Variants in PRKG1 observed in about 807,000 individuals in gnomAD.
The protein encoded by PRKG1 is cGMP-dependent protein kinase 1.
In PRKG1, 35 loss-of-function variants were observed where a neutral mutation model predicts 88.1. The observed-to-expected ratio is 0.40, with a 90% CI of 0.30 to 0.53. PRKG1 has a LOEUF of 0.53. Ranked by LOEUF, PRKG1 falls within the 20% of genes least tolerant of loss-of-function variation. The pLI, the probability that PRKG1 is intolerant of heterozygous loss-of-function variation, is 0.59. For missense variants in PRKG1, 540 were observed against 839.8 expected (o/e 0.64, Z 4.41); for synonymous variants, 303 against 292.5 (o/e 1.04, Z -0.37).
chr10:51,005,044 A>T (rs548101042), intron 1 of PRKG1, among the ~76,000 whole-genome samples: 44 of 152,184 alleles, frequency 2.9e-4, no homozygotes, highest in African/African-American at 8.9e-4. Flanking sequence ...CTCGGTAGAG[A>T]TTTCATTTCA....
At chr10:51,712,145 A>G (rs1359168418) in intron 3 of PRKG1, among the ~76,000 whole-genome samples, 2 of 152,254 alleles carry the variant, frequency 1.3e-5, no homozygotes, top group African/African-American at 4.8e-5. Context: ...ATGGAGAAAT[A>G]TGAAAGGAGG....
chr10:52,247,038 A>G (rs1213927554), intron 9 of PRKG1, among the ~76,000 whole-genome samples: 1 of 152,084 alleles, frequency 6.6e-6, no homozygotes, highest in Non-Finnish European at 1.5e-5. Context: ...ATCTTGTTGT[A>G]TATTTGTATT....
At chr10:51,754,641 G>A (rs547552825) in intron 3 of PRKG1, among the ~76,000 whole-genome samples, 2 of 152,234 alleles carry the variant, frequency 1.3e-5, no homozygotes, top group Admixed American at 6.5e-5. Context: ...TGAGCTATTG[G>A]ACCTCTACCC....
chr10:52,261,133 T>C (rs12264012), intron 10 of PRKG1, among the ~76,000 whole-genome samples: 2,384 of 151,188 alleles, frequency 0.016, 72 homozygotes, highest in African/African-American at 0.055. Context: ...CTCTAAAAAA[T>C]AGAAAAAAAA....
chr10:51,881,207 A>G (rs1892371), intron 4 of PRKG1, among the ~76,000 whole-genome samples: 152,072 of 152,296 alleles, frequency 1, 75,924 homozygotes, highest in Middle Eastern at 1. Context: ...TAGAGACATC[A>G]ACGGGAAGAT....
At chr10:51,408,818 A>T (rs902085382) in intron 2 of PRKG1, among the ~76,000 whole-genome samples, 1 of 152,192 alleles carries the variant, frequency 6.6e-6, no homozygotes. Context: ...AGAATGGTTC[A>T]TCTTATCCAC....
At chr10:51,855,104 G>A (rs1417448508) in intron 4 of PRKG1, among the ~76,000 whole-genome samples, 1 of 152,120 alleles carries the variant, frequency 6.6e-6, no homozygotes, top group East Asian at 1.9e-4. Flanking sequence ...TGTCGTAAAA[G>A]GTTATTATTC....
chr10:52,229,693 T>C (rs1840477660), intron 9 of PRKG1, among the ~76,000 whole-genome samples: 1 of 152,188 alleles, frequency 6.6e-6, no homozygotes, highest in Admixed American at 6.5e-5. Flanking sequence ...TAGAGCATAT[T>C]GATGTATCAT....
chr10:52,167,407 C>A (rs1384153781), intron 9 of PRKG1, among the ~76,000 whole-genome samples: 5 of 152,144 alleles, frequency 3.3e-5, no homozygotes, highest in Non-Finnish European at 7.4e-5. Context: ...CTATGGATTA[C>A]ATTTTAACAT....
intron 2 of PRKG1, among the ~76,000 whole-genome samples, chr10:51,261,968 G>A (rs1839720167): frequency 6.9e-6 from 1 of 145,600 alleles, no homozygotes; most frequent in Admixed American, 7.0e-5. Flanking sequence ...CTCACTGCAA[G>A]CTCTGCCTCC....
At chr10:51,669,886 G>A (rs960162508) in intron 3 of PRKG1, among the ~76,000 whole-genome samples, 1 of 152,086 alleles carries the variant, frequency 6.6e-6, no homozygotes, top group East Asian at 1.9e-4. Flanking sequence ...CCCCTTCAAC[G>A]AAGCTGATTA....
intron 3 of PRKG1, among the ~76,000 whole-genome samples, chr10:51,500,215 G>A (rs1840981557): frequency 6.6e-6 from 1 of 152,088 alleles, no homozygotes; most frequent in Admixed American, 6.6e-5. Context: ...TTTCCTAGTA[G>A]CAGAGAGGAT....
chr10:52,197,006 T>A (rs1251083889), intron 9 of PRKG1, among the ~76,000 whole-genome samples: 1 of 152,180 alleles, frequency 6.6e-6, no homozygotes, highest in Non-Finnish European at 1.5e-5. Context: ...ACAATAGTAA[T>A]AGCAAATGTG....
intron 2 of PRKG1, among the ~76,000 whole-genome samples, chr10:51,189,790 G>T (rs60644565): frequency 2.0e-5 from 3 of 151,894 alleles, no homozygotes; most frequent in African/African-American, 7.2e-5. Flanking sequence ...AACAATAAAT[G>T]AATATGCATT....
intron 1 of PRKG1, among the ~76,000 whole-genome samples, chr10:51,096,815 A>G (rs1246415632): frequency 6.6e-6 from 1 of 152,160 alleles, no homozygotes; most frequent in Non-Finnish European, 1.5e-5. Context: ...GTGACTTTCA[A>G]CTGGGAAAGA....
intron 3 of PRKG1, among the ~76,000 whole-genome samples, chr10:51,749,249 T>TA (rs1837657165): frequency 6.6e-6 from 1 of 152,222 alleles, no homozygotes; most frequent in Non-Finnish European, 1.5e-5. Flanking sequence ...AGTTCTGTCT[T>TA]AGTCAGCTCA....
At chr10:51,683,120 A>G (rs1840892437) in intron 3 of PRKG1, among the ~76,000 whole-genome samples, 1 of 152,244 alleles carries the variant, frequency 6.6e-6, no homozygotes. Flanking sequence ...ATTTCTCTGC[A>G]TAAGCTAAAC....
chr10:51,242,639 A>G (rs1414037304), intron 2 of PRKG1, among the ~76,000 whole-genome samples: 1 of 152,186 alleles, frequency 6.6e-6, no homozygotes, highest in Admixed American at 6.6e-5. Context: ...GTTATGTAAC[A>G]CTGGGATAAA....
At chr10:51,851,714 G>A (rs1452552888) in intron 4 of PRKG1, among the ~76,000 whole-genome samples, 1 of 152,142 alleles carries the variant, frequency 6.6e-6, no homozygotes, top group Non-Finnish European at 1.5e-5. Context: ...TGCTTAAAAT[G>A]CTTTGACATT....
Sources: allele counts gnomAD v4.1 joint callset (sites outside exome capture counted in the v4.1 genomes callset), GRCh38; gene constraint gnomAD v4.1.1; transcripts MANE v1.5; gene names NCBI Gene and HGNC (gene_info 2026-07-23, HGNC 2026-07-21).